Variants in PLCL1 observed in about 807,000 individuals in gnomAD.
The protein encoded by PLCL1 is phospholipase C like 1 (inactive).
A neutral mutation model predicts 84.4 loss-of-function variants in PLCL1; 41 were observed. The ratio of observed to expected loss-of-function variants is 0.49; its 90% CI spans 0.38 to 0.63. PLCL1 has a LOEUF of 0.63. Among genes scored for constraint, PLCL1 ranks in the 30% least tolerant of loss-of-function variants. The pLI, the probability that PLCL1 is intolerant of heterozygous loss-of-function variation, is 0.00. For missense variants in PLCL1, 1,206 were observed against 1,367.8 expected (o/e 0.88, Z 1.87); for synonymous variants, 490 against 488.3 (o/e 1.00, Z -0.05).
chr2:197,842,534 C>T (rs1398115318), intron 1 of PLCL1, among the ~76,000 whole-genome samples: 1 of 152,150 alleles, frequency 6.6e-6, no homozygotes, highest in Non-Finnish European at 1.5e-5. Context: ...AACTAATGTT[C>T]CAGCTTCAAA....
intron 1 of PLCL1, among the ~76,000 whole-genome samples, chr2:197,973,344 A>T (rs1258422684): frequency 6.6e-6 from 1 of 152,100 alleles, no homozygotes; most frequent in Non-Finnish European, 1.5e-5. Context: ...ATTCTAGGAG[A>T]TCTGACTGTC....
At chr2:198,065,073 G>A (rs780335409) in intron 1 of PLCL1, among the ~76,000 whole-genome samples, 2 of 152,094 alleles carry the variant, frequency 1.3e-5, no homozygotes, top group African/African-American at 2.4e-5. Flanking sequence ...AGGGAATAAT[G>A]GACACACTCA....
rs549187053 is a variant in PLCL1 at position 198,067,833 on chromosome 2, G to C, written c.241-15925G>C. ...TTAAAACTTCTTAGAAAGGTGAGAT[G>C]CTCTTACCCTCCTTATTTTGATTTT... On this transcript the variant is annotated intron_variant, in intron 1 of 5. Coordinates refer to ENST00000428675, the MANE Select transcript of PLCL1 (RefSeq NM_006226.4). 1.6e-4 allele frequency among the ~76,000 whole-genome samples: 24 copies of C among 152,300 alleles called. No homozygotes were observed. The South Asian group carries it at 4.8e-3, about 30-fold the overall frequency.
intron 5 of PLCL1, among the ~76,000 whole-genome samples, chr2:198,114,000 CAGAG>C (rs140591887): frequency 1.8e-4 from 27 of 149,588 alleles, no homozygotes; most frequent in Non-Finnish European, 2.4e-4. Flanking sequence ...TGAAAAGATG[CAGAG>C]AGAGAGAGAG....
chr2:197,952,381 T>A (rs1403852462), intron 1 of PLCL1, among the ~76,000 whole-genome samples: 2 of 152,106 alleles, frequency 1.3e-5, no homozygotes, highest in Non-Finnish European at 2.9e-5. Flanking sequence ...AATGGCCTAT[T>A]TTGTTGGTCT....
chr2:197,941,365 C>G (rs541556535), intron 1 of PLCL1, among the ~76,000 whole-genome samples: 2 of 151,828 alleles, frequency 1.3e-5, no homozygotes, highest in Non-Finnish European at 2.9e-5. Context: ...AATCACAGCT[C>G]TCTGCAGCTT....
intron 1 of PLCL1, among the ~76,000 whole-genome samples, chr2:197,821,083 C>A (rs1339185720): frequency 1.3e-5 from 2 of 152,070 alleles, no homozygotes; most frequent in Non-Finnish European, 1.5e-5. Context: ...CAAGGACTGT[C>A]TTTGTAGTTT....
rs1694526792 is a variant in PLCL1, at chr2:198,146,769, T to A, written c.3106-11T>A. 2 of 1,605,172 alleles carry A rather than the reference T, an allele frequency of 1.2e-6. No individual in the cohort carries two copies. Among genetic ancestry groups the A allele is most frequent in the African/African-American group, 1.3e-5 (1 of 74,688 alleles). Reference sequence around the variant, plus strand: ...CTGTCTTCTTTGATGCCTGTTTTTTTCTGTTTGTAGGGCCAAGGAGATCTG... The same window carrying A: ...CTGTCTTCTTTGATGCCTGTTTTTTACTGTTTGTAGGGCCAAGGAGATCTG... On this transcript the variant is annotated splice_polypyrimidine_tract_variant and intron_variant, in intron 5 of 5. Transcript: ENST00000428675.
chr2:197,958,180 T>C (rs770687067), intron 1 of PLCL1, among the ~76,000 whole-genome samples: 2 of 152,018 alleles, frequency 1.3e-5, no homozygotes, highest in Non-Finnish European at 2.9e-5. Flanking sequence ...GCCTTTTTTT[T>C]TGGTGAGGAA....
chr2:197,873,204 CT>C (rs1189572231), intron 1 of PLCL1, among the ~76,000 whole-genome samples: 1 of 151,574 alleles, frequency 6.6e-6, no homozygotes, highest in Non-Finnish European at 1.5e-5. Context: ...AAAAAACTTT[CT>C]ATTAATACAC....
chr2:197,805,301 G>A lies in PLCL1; in HGVS notation c.202G>A (p.Ala68Thr). 1.5e-6 allele frequency: 2 copies of A among 1,302,062 alleles called. No individual in the cohort carries two copies. The highest frequency in any genetic ancestry group is 1.9e-6 in the Non-Finnish European group (2 of 1,028,718). 80.7% of individuals were successfully genotyped at this position (1,302,062 alleles called of 1,614,324 possible). Reference sequence around the variant, plus strand: ...GGACAGCGAGGCGGGCCTCCTGGAGGCAGCACGGGCGACCCCCCGGCGCAG... The same window carrying A: ...GGACAGCGAGGCGGGCCTCCTGGAGACAGCACGGGCGACCCCCCGGCGCAG... Reference protein sequence around the residue: ...PADSEAGLLEAARATPRRSSI... With the variant: ...PADSEAGLLETARATPRRSSI... The change falls in exon 1 of 6, where the codon GCA becomes ACA. Residue 68 changes from alanine (A) to threonine (T), a missense_variant. Transcript: ENST00000428675. This position sits in a 1 kb window ranked among gnomAD's most constrained non-coding sequence, Gnocchi z 4.0.
intron 1 of PLCL1, among the ~76,000 whole-genome samples, chr2:197,986,957 G>T (rs1263963930): frequency 6.6e-6 from 1 of 152,182 alleles, no homozygotes; most frequent in Non-Finnish European, 1.5e-5. Flanking sequence ...ACGAAGTTAA[G>T]CCACTTGCCT....
intron 1 of PLCL1, among the ~76,000 whole-genome samples, chr2:197,858,247 T>C (rs74351427): frequency 0.015 from 2,351 of 152,282 alleles, 67 homozygotes; most frequent in African/African-American, 0.054. Flanking sequence ...TCCAGCATGC[T>C]ATCCATGTGA....
intron 5 of PLCL1, among the ~76,000 whole-genome samples, chr2:198,125,321 G>A (rs114505871): frequency 0.012 from 1,769 of 152,076 alleles, 34 homozygotes; most frequent in African/African-American, 0.04. Flanking sequence ...CATTTTGTGA[G>A]TGCTCATTTT....
At chr2:198,056,776 G>A (rs146723800) in intron 1 of PLCL1, among the ~76,000 whole-genome samples, 133 of 152,294 alleles carry the variant, frequency 8.7e-4, no homozygotes, top group African/African-American at 2.9e-3. Context: ...GTCCCTGAGC[G>A]ATGGTTGAGA....
intron 1 of PLCL1, among the ~76,000 whole-genome samples, chr2:197,959,684 A>G (rs1474952668): frequency 1.3e-5 from 2 of 152,056 alleles, no homozygotes; most frequent in Non-Finnish European, 2.9e-5. Context: ...AATTGTTTGA[A>G]TTACCAGAAG....
chr2:198,034,622 G>A (rs1239525087), intron 1 of PLCL1, among the ~76,000 whole-genome samples: 3 of 152,140 alleles, frequency 2.0e-5, no homozygotes, highest in African/African-American at 7.2e-5. Context: ...TGTGCATTTT[G>A]AAAAACAAGG....
At chr2:197,951,596 T>C (rs1689390729) in intron 1 of PLCL1, among the ~76,000 whole-genome samples, 1 of 152,184 alleles carries the variant, frequency 6.6e-6, no homozygotes, top group Non-Finnish European at 1.5e-5. Context: ...ATACCTCCTG[T>C]AGTTTGAGTG....
intron 1 of PLCL1, among the ~76,000 whole-genome samples, chr2:197,999,738 G>A (rs1424264954): frequency 6.6e-6 from 1 of 152,170 alleles, no homozygotes; most frequent in African/African-American, 2.4e-5. Context: ...GAAAGGAGGG[G>A]ATGGACCATG....
Sources: gnomAD v4.1 joint callset for allele counts (sites outside exome capture counted in the v4.1 genomes callset) on GRCh38, gnomAD v4.1.1 for gene constraint, Gnocchi (gnomAD v3.1) non-coding constraint, MANE v1.5 for transcripts, NCBI Gene and HGNC (gene_info 2026-07-23, HGNC 2026-07-21) for gene names.